Variants in TUBA1C observed in about 807,000 individuals in gnomAD.
The protein encoded by TUBA1C is tubulin alpha-1C chain.
TUBA1C carries 16 observed loss-of-function variants against 34.9 expected under a neutral mutation model. That is an observed-to-expected ratio of 0.46 (90% CI 0.31 to 0.70). The LOEUF (loss-of-function observed/expected upper bound fraction) is 0.70, where lower values mean the gene tolerates loss of function less well. TUBA1C is among the 30% of genes least tolerant of loss of function. TUBA1C has a pLI of 0.05. For missense variants in TUBA1C, 329 were observed against 587.3 expected (o/e 0.56, Z 4.55); for synonymous variants, 177 against 215.9 (o/e 0.82, Z 1.58).
chr12:49,235,726 C>G (rs1370409064), intron 1 of TUBA1C, among the ~76,000 whole-genome samples: 5 of 136,810 alleles, frequency 3.7e-5, no homozygotes, highest in Non-Finnish European at 7.7e-5. Context: ...GGGTGAGACT[C>G]GGTCTCAAAA....
upstream of TUBA1C, among the ~76,000 whole-genome samples, chr12:49,264,321 G>A (rs541770681): frequency 3.3e-4 from 50 of 152,336 alleles, no homozygotes; most frequent in Admixed American, 2.8e-3. Context: ...GCGCCTATCG[G>A]GAGGAGACTG....
intron 1 of TUBA1C, among the ~76,000 whole-genome samples, chr12:49,268,496 G>A (rs920176875): frequency 1.3e-5 from 2 of 151,968 alleles, no homozygotes; most frequent in African/African-American, 4.8e-5. Flanking sequence ...GCTCACCTTG[G>A]CCTCCCAAAG....
chr12:49,264,027 T>C (rs1015444703), upstream of TUBA1C, among the ~76,000 whole-genome samples: 17 of 152,066 alleles, frequency 1.1e-4, no homozygotes, highest in South Asian at 8.3e-4. Flanking sequence ...GAGACCATCC[T>C]AGCTAACACT....
At chr12:49,270,213 A>T in intron 3 of TUBA1C, 2 of 742,248 alleles carry the variant, frequency 2.7e-6, no homozygotes, top group Non-Finnish European at 2.2e-6. Context: ...ACCCCTTTTG[A>T]GGTCATCTTA....
At position 49,273,226 on chromosome 12, in the gene TUBA1C, A is replaced by G. The variant is rs769308154; in HGVS notation, c.1349A>G (p.Ter450=). The change falls in exon 4 of 4, where the codon TAA becomes TGA. Residue 450 remains the stop codon, a stop_retained_variant. Transcript: ENST00000301072. ...GGAGAGGATGAGGGTGAAGAGTATTAACCTGTGTGCTGTACTTTTACACTC... is the reference window on the plus strand; with the variant it reads ...GGAGAGGATGAGGGTGAAGAGTATTGACCTGTGTGCTGTACTTTTACACTC... ...ADGEDEGEEY[*] The G allele has an allele frequency of 1.2e-6, 2 of 1,614,086 alleles. No individual in the cohort carries two copies. Among genetic ancestry groups the G allele is most frequent in the African/African-American group, 2.7e-5 (2 of 74,922 alleles).
At chr12:49,230,388 G>A (rs1942484403) in intron 1 of TUBA1C, among the ~76,000 whole-genome samples, 1 of 152,156 alleles carries the variant, frequency 6.6e-6, no homozygotes, top group African/African-American at 2.4e-5. Context: ...AGTACTGTGA[G>A]CCCAAGTGAG....
At chr12:49,237,042 A>G (rs1431719146) in intron 1 of TUBA1C, among the ~76,000 whole-genome samples, 1 of 152,224 alleles carries the variant, frequency 6.6e-6, no homozygotes, top group Non-Finnish European at 1.5e-5. Context: ...CTACCATGAT[A>G]CTGATCATAG....
chr12:49,262,141 G>T (rs975167980), upstream of TUBA1C, among the ~76,000 whole-genome samples: 1 of 151,782 alleles, frequency 6.6e-6, no homozygotes, highest in Admixed American at 6.6e-5. Flanking sequence ...TTAGCCAGGC[G>T]TGGTGGCTCA....
upstream of TUBA1C, chr12:49,264,984 T>TG: frequency 1.4e-6 from 1 of 715,620 alleles, no homozygotes; most frequent in Non-Finnish European, 1.9e-6. Flanking sequence ...GGCTCGAAGG[T>TG]GGGGCCGCAG....
intron 3 of TUBA1C, among the ~76,000 whole-genome samples, chr12:49,270,444 TTAAG>T (rs1318475278): frequency 1.3e-5 from 2 of 152,298 alleles, no homozygotes; most frequent in South Asian, 4.1e-4. Context: ...ATCACTTTAA[TTAAG>T]AGCCTGGCAA....
intron 1 of TUBA1C, among the ~76,000 whole-genome samples, chr12:49,267,858 C>T (rs1269062630): frequency 2.0e-5 from 3 of 152,106 alleles, no homozygotes; most frequent in Non-Finnish European, 4.4e-5. Context: ...CTTATGAGAC[C>T]AGGTCCTTTG....
chr12:49,265,071 G>T (rs1160572966), upstream of TUBA1C: 6 of 1,391,214 alleles, frequency 4.3e-6, no homozygotes, highest in East Asian at 5.4e-5. Context: ...TTCGGGGCCG[G>T]CCACCCTTTC....
chr12:49,231,460 A>G (rs1422095497), intron 1 of TUBA1C, among the ~76,000 whole-genome samples: 1 of 152,096 alleles, frequency 6.6e-6, no homozygotes, highest in African/African-American at 2.4e-5. Flanking sequence ...GTGAGCCAGC[A>G]CTAATTTCTT....
intron 1 of TUBA1C, among the ~76,000 whole-genome samples, chr12:49,247,461 T>G (rs758742034): frequency 7.0e-6 from 1 of 142,686 alleles, no homozygotes; most frequent in Non-Finnish European, 1.6e-5. Context: ...GGAGGCTGAT[T>G]GCTTCTCAGC....
At chr12:49,257,474 AT>A (rs900786068) in intron 1 of TUBA1C, among the ~76,000 whole-genome samples, 5 of 149,968 alleles carry the variant, frequency 3.3e-5, no homozygotes, top group African/African-American at 7.3e-5. Flanking sequence ...AGAGGCATTT[AT>A]TTTTTTTTTA....
At chr12:49,239,187 A>G (rs185687504) in intron 1 of TUBA1C, among the ~76,000 whole-genome samples, 4 of 152,220 alleles carry the variant, frequency 2.6e-5, no homozygotes, top group East Asian at 1.9e-4. Flanking sequence ...TTTATTACTC[A>G]AGCTTTTCCT....
chr12:49,273,420 C>G lies in TUBA1C; in HGVS notation c.*193C>G. ...AACCACCTGAGTCGAGGGTCTTGCT[C>G]TGTCACCCAGGCTGGAGTGCAGTGG... On this transcript the variant is annotated 3_prime_UTR_variant, in exon 4 of 4. Coordinates refer to ENST00000301072, the MANE Select transcript of TUBA1C (RefSeq NM_032704.5). 1 of 995,284 alleles carries G rather than the reference C, an allele frequency of 1.0e-6. No individual in the cohort carries two copies. The highest frequency in any genetic ancestry group is 1.5e-5 in the South Asian group (1 of 64,546). 61.7% of individuals were successfully genotyped at this position (995,284 alleles called of 1,614,324 possible).
chr12:49,236,765 T>C (rs1249020457), intron 1 of TUBA1C, among the ~76,000 whole-genome samples: 1 of 152,174 alleles, frequency 6.6e-6, no homozygotes, highest in African/African-American at 2.4e-5. Context: ...GCTTCAAAAC[T>C]ATATAGCATG....
chr12:49,233,206 T>A (rs1266167536), intron 1 of TUBA1C: 1 of 152,336 alleles, frequency 6.6e-6, no homozygotes, highest in East Asian at 1.9e-4. Flanking sequence ...TGTGGGGAGA[T>A]GTGTGCCTGC....
Sources: allele counts gnomAD v4.1 joint callset (sites outside exome capture counted in the v4.1 genomes callset), GRCh38; gene constraint gnomAD v4.1.1; transcripts MANE v1.5; gene names NCBI Gene and HGNC (gene_info 2026-07-23, HGNC 2026-07-21).